TASP1: variants seen among roughly 807,000 people sequenced by gnomAD.
The protein encoded by TASP1 is threonine aspartase 1.
A neutral mutation model predicts 56.6 loss-of-function variants in TASP1; 16 were observed. The ratio of observed to expected loss-of-function variants is 0.28; its 90% CI spans 0.19 to 0.43. The LOEUF is 0.43. Among genes scored for constraint, TASP1 ranks in the 20% least tolerant of loss-of-function variants. The pLI is 1.00. For missense variants in TASP1, 393 were observed against 511.6 expected (o/e 0.77, Z 2.24); for synonymous variants, 179 against 184.2 (o/e 0.97, Z 0.23).
the TASP1 span, chr20:13,154,274 C>A: frequency 8.9e-7 from 1 of 1,123,190 alleles, no homozygotes; most frequent in Non-Finnish European, 1.3e-6. Context: ...TTCTCGGAAG[C>A]CACCTGTCAC....
the TASP1 span, among the ~76,000 whole-genome samples, chr20:13,333,304 C>T: frequency 6.6e-6 from 1 of 152,190 alleles, no homozygotes; most frequent in Non-Finnish European, 1.5e-5. Context: ...ATTTTGAGAT[C>T]ATTAACTACT....
chr20:13,375,826 A>T, the TASP1 span, among the ~76,000 whole-genome samples: 105 of 152,248 alleles, frequency 6.9e-4, no homozygotes, highest in African/African-American at 2.5e-3. Context: ...GCATTTCTCT[A>T]GTAACTAGTG....
intron 8 of TASP1, among the ~76,000 whole-genome samples, chr20:13,549,722 G>A (rs149223283): frequency 1.3e-5 from 2 of 152,148 alleles, no homozygotes; most frequent in East Asian, 3.9e-4. Flanking sequence ...AAGCTACAAG[G>A]TGGTGACTTG....
the TASP1 span, among the ~76,000 whole-genome samples, chr20:13,275,105 T>C: frequency 1.3e-5 from 2 of 152,228 alleles, no homozygotes; most frequent in South Asian, 4.1e-4. Flanking sequence ...ATTACTACAC[T>C]AGCTATTCAC....
At chr20:13,287,901 C>T in the TASP1 span, among the ~76,000 whole-genome samples, 2 of 152,142 alleles carry the variant, frequency 1.3e-5, no homozygotes. Flanking sequence ...TCAGGCAGGG[C>T]CACTGGGTAG....
chr20:13,163,632 C>G, the TASP1 span, among the ~76,000 whole-genome samples: 1 of 151,872 alleles, frequency 6.6e-6, no homozygotes, highest in South Asian at 2.1e-4. Context: ...TACTCATACT[C>G]CTACCACCAA....
chr20:13,601,160 T>C (rs769268679), intron 4 of TASP1, among the ~76,000 whole-genome samples: 18 of 152,070 alleles, frequency 1.2e-4, no homozygotes, highest in Non-Finnish European at 2.4e-4. Flanking sequence ...GCACCTGTAG[T>C]CCCAGCTATT....
At chr20:13,603,765 C>A (rs1358766563) in intron 4 of TASP1, among the ~76,000 whole-genome samples, 1 of 152,152 alleles carries the variant, frequency 6.6e-6, no homozygotes, top group African/African-American at 2.4e-5. Context: ...CATAAAATGT[C>A]TCTTATTGAT....
chr20:13,212,490 G>A, the TASP1 span, among the ~76,000 whole-genome samples: 41,202 of 151,948 alleles, frequency 0.27, 5,885 homozygotes, highest in African/African-American at 0.33. Flanking sequence ...TTACCATCAC[G>A]TTGTTAACTC....
chr20:13,245,383 G>A, the TASP1 span: 11 of 152,186 alleles, frequency 7.2e-5, no homozygotes, highest in Non-Finnish European at 1.0e-4. Context: ...GCCAGAAAAA[G>A]AGTATGAGCA....
At chr20:13,306,022 A>G in the TASP1 span, among the ~76,000 whole-genome samples, 3 of 152,164 alleles carry the variant, frequency 2.0e-5, no homozygotes, top group East Asian at 1.9e-4. Context: ...CTAATTTTCT[A>G]TCTGTTCTGG....
chr20:13,582,805 A>G (rs991859658), intron 5 of TASP1, among the ~76,000 whole-genome samples: 3 of 152,190 alleles, frequency 2.0e-5, no homozygotes, highest in Non-Finnish European at 4.4e-5. Context: ...CTCAGCTACA[A>G]ATTCACCCTT....
chr20:13,273,937 GT>G, the TASP1 span, among the ~76,000 whole-genome samples: 1 of 152,156 alleles, frequency 6.6e-6, no homozygotes, highest in Non-Finnish European at 1.5e-5. Context: ...ATTGTGGTGC[GT>G]TTCTGGCCTT....
chr20:13,531,158 T>C (rs1191625002), intron 9 of TASP1, among the ~76,000 whole-genome samples: 1 of 152,174 alleles, frequency 6.6e-6, no homozygotes, highest in Admixed American at 6.6e-5. Flanking sequence ...TTTAAATACA[T>C]TTTGACATTG....
the TASP1 span, among the ~76,000 whole-genome samples, chr20:13,331,210 T>C: frequency 1.3e-5 from 2 of 152,200 alleles, no homozygotes; most frequent in African/African-American, 4.8e-5. Context: ...TATTTATGTT[T>C]GTTCCCTCTG....
the TASP1 span, among the ~76,000 whole-genome samples, chr20:13,274,344 G>A: frequency 6.6e-6 from 1 of 152,146 alleles, no homozygotes; most frequent in African/African-American, 2.4e-5. Flanking sequence ...GTCCCTGCCG[G>A]CCCCGTCAAA....
intron 1 of TASP1, among the ~76,000 whole-genome samples, chr20:13,633,701 T>A (rs988508305): frequency 1.1e-4 from 17 of 152,152 alleles, no homozygotes; most frequent in Non-Finnish European, 2.2e-4. Flanking sequence ...TGAAACTGGC[T>A]AAGTGTACTT....
chr20:13,270,722 T>C, the TASP1 span: 1 of 1,613,772 alleles, frequency 6.2e-7, no homozygotes, highest in African/African-American at 1.3e-5. Context: ...CTGATATCAA[T>C]GGGCAGAATC....
chr20:13,311,662 T>C, the TASP1 span, among the ~76,000 whole-genome samples: 22 of 152,220 alleles, frequency 1.4e-4, no homozygotes, highest in African/African-American at 5.3e-4. Context: ...GAGGACATTA[T>C]GTTTAGTGAT....
Sources: gnomAD v4.1 joint callset for allele counts (sites outside exome capture counted in the v4.1 genomes callset) on GRCh38, gnomAD v4.1.1 for gene constraint, MANE v1.5 for transcripts, NCBI Gene and HGNC (gene_info 2026-07-23, HGNC 2026-07-21) for gene names.